The following ACTR3C variants were observed in gnomAD, a reference collection of about 807,000 sequenced individuals.
ACTR3C encodes actin related protein 3C, also known as actin-related protein 3C.
Under a neutral mutation model 26.3 loss-of-function variants are expected in ACTR3C, and 18 were observed. The ratio of observed to expected loss-of-function variants is 0.68; its 90% CI spans 0.47 to 1.01. The LOEUF (loss-of-function observed/expected upper bound fraction) is 1.01, where lower values mean the gene tolerates loss of function less well. ACTR3C is among the 50% of genes least tolerant of loss of function. ACTR3C has a pLI of 0.00. For synonymous variants in ACTR3C, 55 were observed against 94.5 expected, an observed-to-expected ratio of 0.58 and a Z score of 2.42; for missense variants, 184 against 250.7, an observed-to-expected ratio of 0.73 and a Z score of 1.80.
intron 6 of ACTR3C, among the ~76,000 whole-genome samples, chr7:150,266,486 C>T (rs188207126): frequency 1.3e-5 from 2 of 151,792 alleles, no homozygotes; most frequent in African/African-American, 4.9e-5. Context: ...CTTTGAAAAA[C>T]CATTTTTTAA....
the ACTR3C span, among the ~76,000 whole-genome samples, chr7:150,215,828 A>C: frequency 0.036 from 5,436 of 152,088 alleles, 117 homozygotes; most frequent in African/African-American, 0.058. Flanking sequence ...GTGCTCATGG[A>C]ATCTGTTATA....
chr7:150,144,993 T>G, the ACTR3C span, among the ~76,000 whole-genome samples: 1,086 of 145,844 alleles, frequency 7.4e-3, 15 homozygotes, highest in Middle Eastern at 0.026. This position sits in a 1 kb window ranked among gnomAD's most constrained non-coding sequence, Gnocchi z 4.6. Flanking sequence ...GAGCTTGCAG[T>G]GAGCTGAGAT....
In ACTR3C at chr7:150,271,866, T is replaced by C. The variant is rs377376918; in HGVS notation, c.564+12887A>G. ...AACTGAAACCAAGGAAAACCTTTCT[T>C]GTCTTAACACTCAACTACAAAAGCA... On this transcript the variant is annotated intron_variant, in intron 6 of 7. Coordinates refer to ENST00000683684, the MANE Select transcript of ACTR3C (RefSeq NM_001164458.2). Among the ~76,000 whole-genome samples, 452 of 145,096 alleles carry C rather than the reference T, an allele frequency of 3.1e-3. 3 individuals are homozygous for C. Among genetic ancestry groups the C allele is most frequent in the African/African-American group, 0.012 (405 of 34,756 alleles).
At chr7:150,184,230 T>C in the ACTR3C span, among the ~76,000 whole-genome samples, 12 of 150,890 alleles carry the variant, frequency 8.0e-5, no homozygotes, top group East Asian at 1.9e-4. Context: ...TCAGTGAAGT[T>C]TAATTTCACA....
chr7:150,045,182 GT>G, the ACTR3C span: 12 of 152,202 alleles, frequency 7.9e-5, no homozygotes, highest in African/African-American at 2.7e-4. Flanking sequence ...CTAAAAAGCA[GT>G]TTTTCTACCT....
the ACTR3C span, among the ~76,000 whole-genome samples, chr7:150,048,671 CG>C: frequency 6.6e-6 from 1 of 151,974 alleles, no homozygotes; most frequent in South Asian, 2.1e-4. Flanking sequence ...GCTGCGGCGC[CG>C]GGCTCCCCGC....
chr7:149,926,865 A>C, the ACTR3C span, among the ~76,000 whole-genome samples: 6 of 152,036 alleles, frequency 3.9e-5, no homozygotes, highest in Middle Eastern at 0.014. Flanking sequence ...GAAGAGACCG[A>C]AAAAAATAAA....
At chr7:150,265,469 G>A (rs1431785826) in intron 6 of ACTR3C, among the ~76,000 whole-genome samples, 4 of 152,004 alleles carry the variant, frequency 2.6e-5, no homozygotes, top group South Asian at 2.1e-4. Context: ...CGAGGCAGGC[G>A]GATCACCTGA....
the ACTR3C span, among the ~76,000 whole-genome samples, chr7:150,006,965 G>C: frequency 1.3e-5 from 2 of 152,112 alleles, no homozygotes; most frequent in African/African-American, 4.8e-5. Context: ...AAGCTACACA[G>C]AACCTGAACC....
chr7:150,301,713 GGCACAT>G (rs1182783453), intron 1 of ACTR3C, among the ~76,000 whole-genome samples: 3 of 151,332 alleles, frequency 2.0e-5, no homozygotes, highest in Non-Finnish European at 2.9e-5. Flanking sequence ...AAGGAATCCT[GGCACAT>G]GCTTCAACAT....
chr7:149,882,726 CACT>C, the ACTR3C span, among the ~76,000 whole-genome samples: 1 of 152,246 alleles, frequency 6.6e-6, no homozygotes, highest in African/African-American at 2.4e-5. Flanking sequence ...ATTCATTAAC[CACT>C]GACAGGGGAG....
At chr7:150,193,025 T>C in the ACTR3C span, among the ~76,000 whole-genome samples, 1 of 152,176 alleles carries the variant, frequency 6.6e-6, no homozygotes, top group African/African-American at 2.4e-5. Flanking sequence ...CCTTTCCTTC[T>C]CCCAAACTTC....
At chr7:150,305,444 T>A (rs550559686) in intron 1 of ACTR3C, among the ~76,000 whole-genome samples, 114 of 152,152 alleles carry the variant, frequency 7.5e-4, no homozygotes, top group Middle Eastern at 3.4e-3. Context: ...ACTGGCCACG[T>A]GGCTCTCACT....
chr7:150,041,055 C>T, the ACTR3C span, among the ~76,000 whole-genome samples: 10 of 149,254 alleles, frequency 6.7e-5, no homozygotes, highest in African/African-American at 1.8e-4. Context: ...GGTTAAAAGT[C>T]CAGCTGCCAT....
At chr7:150,044,894 C>T in the ACTR3C span, 1 of 152,170 alleles carries the variant, frequency 6.6e-6, no homozygotes, top group African/African-American at 2.4e-5. Flanking sequence ...AGCCACCAGC[C>T]TTGGGATCAG....
the ACTR3C span, among the ~76,000 whole-genome samples, chr7:149,982,199 C>A: frequency 3.9e-5 from 6 of 152,144 alleles, no homozygotes; most frequent in African/African-American, 1.2e-4. Flanking sequence ...ACGCTCTATA[C>A]CTGCTGCTGG....
At chr7:150,150,317 C>T in the ACTR3C span, among the ~76,000 whole-genome samples, 1 of 152,202 alleles carries the variant, frequency 6.6e-6, no homozygotes, top group East Asian at 1.9e-4. Context: ...CGCTTGTTGA[C>T]TAGGTCTTTC....
the ACTR3C span, among the ~76,000 whole-genome samples, chr7:150,157,788 C>A: frequency 6.6e-6 from 1 of 152,136 alleles, no homozygotes; most frequent in Non-Finnish European, 1.5e-5. Flanking sequence ...AAACATCAAG[C>A]CACATTTGTC....
At chr7:150,095,920 A>G in the ACTR3C span, among the ~76,000 whole-genome samples, 2 of 150,072 alleles carry the variant, frequency 1.3e-5, no homozygotes, top group South Asian at 2.1e-4. Flanking sequence ...TATAAACTAC[A>G]GTCCAAAGCT....
Sources: allele counts gnomAD v4.1 joint callset (sites outside exome capture counted in the v4.1 genomes callset), GRCh38; gene constraint gnomAD v4.1.1; non-coding constraint Gnocchi (gnomAD v3.1); transcripts MANE v1.5; gene names NCBI Gene and HGNC (gene_info 2026-07-23, HGNC 2026-07-21).